Variants in MAPRE2 observed in about 807,000 individuals in gnomAD.
MAPRE2 encodes microtubule-associated protein RP/EB family member 2.
MAPRE2 carries 13 observed loss-of-function variants against 43.2 expected under a neutral mutation model. The observed-to-expected ratio is 0.30, with a 90% CI of 0.20 to 0.48. MAPRE2 has a LOEUF of 0.48. Among genes scored for constraint, MAPRE2 ranks in the 20% least tolerant of loss-of-function variants. The pLI is 0.99. For synonymous variants in MAPRE2, 135 were observed against 148.8 expected (o/e 0.91, Z 0.68); for missense variants, 161 against 400.2 (o/e 0.40, Z 5.10).
At chr18:34,993,940 G>A (rs11663987) in intron 1 of MAPRE2, among the ~76,000 whole-genome samples, 4,260 of 150,768 alleles carry the variant, frequency 0.028, 103 homozygotes, top group Non-Finnish European at 0.036. Flanking sequence ...CAACCTTGGA[G>A]ATGATCTCAT....
chr18:35,050,429 C>T (rs34903877), intron 1 of MAPRE2, among the ~76,000 whole-genome samples: 9,540 of 152,120 alleles, frequency 0.063, 879 homozygotes, highest in African/African-American at 0.2. Context: ...CCTCATTTAG[C>T]CCTTTGAGGT....
intron 1 of MAPRE2, among the ~76,000 whole-genome samples, chr18:34,994,550 G>C (rs1045812570): frequency 7.2e-5 from 11 of 152,070 alleles, no homozygotes; most frequent in African/African-American, 2.7e-4. Flanking sequence ...ATTTCTTGGG[G>C]CCCTTTTCAT....
intron 2 of MAPRE2, among the ~76,000 whole-genome samples, chr18:35,034,213 T>C (rs1427687768): frequency 6.6e-6 from 1 of 151,810 alleles, no homozygotes; most frequent in South Asian, 2.1e-4. Context: ...ACGCCACATA[T>C]CTACAACTAT....
intron 2 of MAPRE2, among the ~76,000 whole-genome samples, chr18:35,090,323 G>T (rs1908085050): frequency 6.6e-6 from 1 of 152,170 alleles, no homozygotes; most frequent in South Asian, 2.1e-4. Flanking sequence ...ACTAGGATAA[G>T]ATCTGGAACA....
At chr18:35,061,742 T>A (rs1368459913) in intron 1 of MAPRE2, among the ~76,000 whole-genome samples, 1 of 152,196 alleles carries the variant, frequency 6.6e-6, no homozygotes, top group Non-Finnish European at 1.5e-5. Context: ...GTAATCTCTC[T>A]CCAGGAGATT....
chr18:35,017,987 A>C (rs1478698113), intron 2 of MAPRE2, among the ~76,000 whole-genome samples: 1 of 151,334 alleles, frequency 6.6e-6, no homozygotes, highest in African/African-American at 2.4e-5. Flanking sequence ...TATTATTATG[A>C]GGTATGTTCC....
chr18:35,085,204 A>C (rs965181963), intron 2 of MAPRE2, among the ~76,000 whole-genome samples: 1 of 152,220 alleles, frequency 6.6e-6, no homozygotes, highest in Non-Finnish European at 1.5e-5. Context: ...TGCTGGAAAT[A>C]TGTAACCTTG....
At position 35,125,171 on chromosome 18, in the gene MAPRE2, C is replaced by G. The variant is rs573953718; in HGVS notation, c.611-1777C>G. On this transcript the variant is annotated intron_variant, in intron 4 of 6. Transcript: ENST00000300249. ...AAAGGCTGTAATGCTGTCAGTGCTT[C>G]TAGGGGGTGTGACTTGCATCCGGAG... 2.0e-5 allele frequency among the ~76,000 whole-genome samples: 3 copies of G among 152,160 alleles called. No homozygotes were observed. In the South Asian group the frequency reaches 6.2e-4, roughly 32 times the overall value.
intron 3 of MAPRE2, among the ~76,000 whole-genome samples, chr18:35,099,959 A>G (rs1908598160): frequency 6.6e-6 from 1 of 152,202 alleles, no homozygotes; most frequent in Non-Finnish European, 1.5e-5. Flanking sequence ...AAGTGGTCCT[A>G]TTGATACATT....
In MAPRE2 at chr18:35,086,840, A is replaced by G. The variant is rs188278764; in HGVS notation, c.251-10606A>G. On this transcript the variant is annotated intron_variant, in intron 2 of 6. Transcript: ENST00000300249. ...ATACTATGGGATTCAGAATGTTTAAAATACATATGAAAACGCTAACAGATT... is the reference window on the plus strand; with the variant it reads ...ATACTATGGGATTCAGAATGTTTAAGATACATATGAAAACGCTAACAGATT... Among the ~76,000 whole-genome samples the G allele has an allele frequency of 2.6e-5, 4 of 152,280 alleles. No homozygotes were observed. In the East Asian group the frequency reaches 7.7e-4, roughly 29 times the overall value.
At chr18:35,111,529 T>A in intron 4 of MAPRE2, among the ~76,000 whole-genome samples, 1 of 152,234 alleles carries the variant, frequency 6.6e-6, no homozygotes, top group East Asian at 1.9e-4. Flanking sequence ...CTCTGAAGAC[T>A]GGATTTTGTT....
intron 4 of MAPRE2, among the ~76,000 whole-genome samples, chr18:35,103,007 A>C (rs1908749206): frequency 6.6e-6 from 1 of 151,426 alleles, no homozygotes; most frequent in African/African-American, 2.5e-5. Context: ...ATGAAGTAGA[A>C]ATGGTTAACA....
chr18:35,018,840 A>G (rs1236864543), intron 2 of MAPRE2, among the ~76,000 whole-genome samples: 1 of 151,632 alleles, frequency 6.6e-6, no homozygotes, highest in Non-Finnish European at 1.5e-5. Context: ...CTAGATTTTA[A>G]TTTATTTATA....
chr18:35,021,239 G>T (rs1202790467), intron 2 of MAPRE2, among the ~76,000 whole-genome samples: 1 of 152,142 alleles, frequency 6.6e-6, no homozygotes. Context: ...TGTTGAACAT[G>T]ATGCAAGTAT....
At chr18:35,066,381 C>T (rs1906840182) in intron 1 of MAPRE2, among the ~76,000 whole-genome samples, 1 of 152,122 alleles carries the variant, frequency 6.6e-6, no homozygotes, top group Admixed American at 6.5e-5. Flanking sequence ...GTGTTATCCA[C>T]ACAGCATTTC....
intron 1 of MAPRE2, among the ~76,000 whole-genome samples, chr18:34,997,669 A>ATTTTTTT (rs2097027190): frequency 6.6e-6 from 1 of 152,178 alleles, no homozygotes; most frequent in Non-Finnish European, 1.5e-5. Context: ...TACAAAAATT[A>ATTTTTTT]GCCTGGCGTG....
At chr18:35,050,575 C>T (rs1905886416) in intron 1 of MAPRE2, among the ~76,000 whole-genome samples, 1 of 152,194 alleles carries the variant, frequency 6.6e-6, no homozygotes, top group Non-Finnish European at 1.5e-5. Flanking sequence ...AAATAATACT[C>T]TGTGAGGATT....
chr18:35,040,148 AG>A (rs777688858), upstream of MAPRE2, among the ~76,000 whole-genome samples: 16 of 152,218 alleles, frequency 1.1e-4, no homozygotes, highest in Non-Finnish European at 2.2e-4. Flanking sequence ...GGTTGCAGTG[AG>A]CTGAGATTGC....
At chr18:35,069,580 T>C (rs761752394) in intron 1 of MAPRE2, among the ~76,000 whole-genome samples, 2 of 152,138 alleles carry the variant, frequency 1.3e-5, no homozygotes, top group Non-Finnish European at 2.9e-5. Flanking sequence ...CCTAACTGGT[T>C]TGTTATTCTC....
Sources: allele counts gnomAD v4.1 joint callset (sites outside exome capture counted in the v4.1 genomes callset), GRCh38; gene constraint gnomAD v4.1.1; transcripts MANE v1.5; gene names NCBI Gene and HGNC (gene_info 2026-07-23, HGNC 2026-07-21).